The following AGL variants were observed in gnomAD, a reference collection of about 807,000 sequenced individuals.
AGL encodes the protein glycogen debranching enzyme.
In AGL, 128 loss-of-function variants were observed where a neutral mutation model predicts 199.3. The observed-to-expected ratio is 0.64, with a 90% confidence interval of 0.56 to 0.74. AGL has a LOEUF of 0.74. AGL is among the 30% of genes least tolerant of loss of function. The pLI is 0.00. For missense variants in AGL, 1,809 were observed against 1,820.8 expected, an observed-to-expected ratio of 0.99 and a Z score of 0.12; for synonymous variants, 584 against 594.7, an observed-to-expected ratio of 0.98 and a Z score of 0.26.
intron 12 of AGL, 121 bp from the exon 13 acceptor site, chr1:99,879,802 T>TCA: frequency 1.3e-6 from 1 of 775,634 alleles, no homozygotes; most frequent in South Asian, 1.4e-5. Context: ...GTATGTTTGA[T>TCA]ATCTTGCTGC....
intron 7 of AGL, 86 bp from the exon 8 acceptor site, chr1:99,874,601 T>C: frequency 7.6e-7 from 1 of 1,313,662 alleles, no homozygotes; most frequent in South Asian, 1.3e-5. Context: ...AGTGAAAAAA[T>C]TATAGGCCAA....
intron 2 of AGL, among the ~76,000 whole-genome samples, chr1:99,854,083 A>G (rs1477870756): frequency 6.6e-6 from 1 of 151,972 alleles, no homozygotes; most frequent in Non-Finnish European, 1.5e-5. Flanking sequence ...AATCCCAGCT[A>G]CCTGGGAGGC....
chr1:99,870,057 C>A (rs4907900), intron 5 of AGL, among the ~76,000 whole-genome samples: 1 of 152,154 alleles, frequency 6.6e-6, no homozygotes, highest in African/African-American at 2.4e-5. Flanking sequence ...TATTTTAGCA[C>A]TTTCTCAACC....
chr1:99,857,059 G>A (rs552121926), intron 2 of AGL, among the ~76,000 whole-genome samples: 13 of 151,554 alleles, frequency 8.6e-5, no homozygotes, highest in South Asian at 6.3e-4. Flanking sequence ...GCGGCTGGCC[G>A]GGCAGGGGGC....
At chr1:99,910,356 G>A (rs1654650242) in intron 27 of AGL, among the ~76,000 whole-genome samples, 1 of 152,088 alleles carries the variant, frequency 6.6e-6, no homozygotes, top group South Asian at 2.1e-4. Flanking sequence ...ATGGTATAGA[G>A]GGTTTCCCAT....
At chr1:99,875,310 T>A (rs1408431884) in intron 9 of AGL, 48 bp from the exon 10 acceptor site, 1 of 1,612,480 alleles carries the variant, frequency 6.2e-7, no homozygotes, top group East Asian at 2.2e-5. Context: ...ACTATTTTTT[T>A]GTTGTCTTGA....
chr1:99,892,733 C>T (rs1039911602), intron 24 of AGL, 126 bp downstream of exon 24: 77 of 900,316 alleles, frequency 8.6e-5, no homozygotes, highest in Non-Finnish European at 1.2e-4. Context: ...CCACTTAGTA[C>T]ATTTCATAGA....
At chr1:99,896,833 C>CA (rs1214825816) in intron 25 of AGL, among the ~76,000 whole-genome samples, 1 of 151,966 alleles carries the variant, frequency 6.6e-6, no homozygotes, top group Non-Finnish European at 1.5e-5. Flanking sequence ...GTTTTTGAGA[C>CA]AGAGTCTCGC....
At chr1:99,898,103 G>T (rs1653478962) in intron 25 of AGL, among the ~76,000 whole-genome samples, 1 of 149,832 alleles carries the variant, frequency 6.7e-6, no homozygotes, top group East Asian at 2.0e-4. Context: ...CTGGAGTGCA[G>T]TGGCGCAATC....
At position 99,898,192 on chromosome 1, in the gene AGL, G is replaced by A. The variant is rs906803094; in HGVS notation, c.3362+1804G>A. On this transcript the variant is annotated intron_variant, in intron 25 of 33. Coordinates refer to ENST00000361915, the MANE Select transcript of AGL (RefSeq NM_000642.3). ...CTCCTGAGTAGCTGGGACTACAGGC[G>A]CCCGCCACCACACCCGGCTAATTTT... is the stretch of plus-strand genomic sequence containing the variant. Among the ~76,000 whole-genome samples, 70 of 151,830 alleles carry A rather than the reference G, an allele frequency of 4.6e-4. 2 individuals are homozygous for A. Among genetic ancestry groups the A allele is most frequent in the East Asian group, 1.9e-4 (1 of 5,160 alleles).
chr1:99,860,927 A>G (rs1019387274), intron 2 of AGL, among the ~76,000 whole-genome samples: 2 of 152,184 alleles, frequency 1.3e-5, no homozygotes, highest in African/African-American at 2.4e-5. Flanking sequence ...ACTTGAGCAG[A>G]TATCAGTCGG....
chr1:99,900,679 A>G lies in AGL; in HGVS notation c.3406A>G (p.Ile1136Val). ...AFAGTLRHGL[I>V]PNLLGEGIYA... is the part of the protein sequence containing the mutation. ...TGCGGGTACCCTGAGGCATGGTCTC[A>G]TTCCTAATCTACTGGGTGAAGGAAT... The change falls in exon 26 of 34, where the codon ATT becomes GTT. Residue 1136 changes from isoleucine to valine, a missense_variant. Physicochemically the swap from Ile to Val is conservative, Grantham distance 29. Transcript: ENST00000361915. 1 of 1,614,184 alleles carries G rather than the reference A, an allele frequency of 6.2e-7. No homozygotes were observed. Among genetic ancestry groups the G allele is most frequent in the Non-Finnish European group, 8.5e-7 (1 of 1,180,024 alleles).
At position 99,900,816 on chromosome 1, in the gene AGL, A is replaced by G. The variant is rs199655785; in HGVS notation, c.3543A>G (p.Arg1181=). 5 of 1,613,950 alleles carry G rather than the reference A, an allele frequency of 3.1e-6. No individual in the cohort carries two copies. The East Asian group carries it at 1.1e-4, about 36-fold the overall frequency. The change falls in exon 26 of 34, where the codon AGA becomes AGG. Residue 1181 remains arginine, a synonymous_variant. Transcript: ENST00000361915. The part of the protein sequence containing the change: ...GLDILKCPVS[R]MYPTDDSAPL... ...ACATTCTCAAGTGCCCAGTTTCCAG[A>G]ATGTATCCTACAGATGATTCTGCTC... is the stretch of plus-strand genomic sequence containing the variant.
rs543993876 is a variant in AGL at position 99,900,929 on chromosome 1, A to G, written c.3588+68A>G. On this transcript the variant is annotated intron_variant, in intron 26 of 33. Transcript: ENST00000361915. ...TTCTGAAAAATGACTTTTAGTTTCT[A>G]ATGTAAAAATAAGGGTAATTAAGAA... 3.0e-6 allele frequency: 4 copies of G among 1,348,548 alleles called. No individual in the cohort carries two copies. In the East Asian group the frequency reaches 9.4e-5, roughly 32 times the overall value. The allele number at this position is 1,348,548 out of a possible 1,614,324, so 83.5% of individuals were successfully genotyped here.
rs369008881 is a variant in AGL, at chr1:99,914,805, A to G, written c.4162-584A>G. On this transcript the variant is annotated intron_variant, in intron 30 of 33. Coordinates refer to ENST00000361915, the MANE Select transcript of AGL (RefSeq NM_000642.3). ...ATTTAAGTGTGTGCTGTCTGGGTTC[A>G]GTGGCTCACACCTGTAATTCCAACA... Among the ~76,000 whole-genome samples, 17 of 152,320 alleles carry G rather than the reference A, an allele frequency of 1.1e-4. No homozygotes were observed. In the East Asian group the frequency reaches 2.1e-3, roughly 19 times the overall value.
chr1:99,891,810 G>A lies in AGL; in HGVS notation c.3083+71G>A, dbSNP rs1405114606. 3.8e-6 allele frequency: 6 copies of A among 1,584,268 alleles called. No homozygotes were observed. The Admixed American group carries it at 1.0e-4, about 27-fold the overall frequency. ...CTATATACAGAGTCACTTCATACAT[G>A]TTCTTAAAAAACCAAACCATAAAGA... On this transcript the variant is annotated intron_variant, in intron 23 of 33. Transcript: ENST00000361915.
intron 5 of AGL, among the ~76,000 whole-genome samples, chr1:99,869,570 T>C (rs1650815201): frequency 6.6e-6 from 1 of 152,204 alleles, no homozygotes; most frequent in Non-Finnish European, 1.5e-5. Context: ...CTTCAGTTTC[T>C]CTTTTGTTAA....
chr1:99,879,771 C>T (rs1015540632), intron 12 of AGL, 152 bp from the exon 13 acceptor site: 2 of 660,504 alleles, frequency 3.0e-6, no homozygotes, highest in South Asian at 1.7e-5. Flanking sequence ...TTGATAAATT[C>T]TCTTGTTTCT....
At position 99,892,543 on chromosome 1, in the gene AGL, T is replaced by A. The variant is rs569268763; in HGVS notation, c.3195T>A (p.Asp1065Glu). The change falls in exon 24 of 34, where the codon GAT becomes GAA. Residue 1065 changes from aspartate to glutamate, a missense_variant. Asp to Glu is a conservative substitution (Grantham distance 45). Transcript: ENST00000361915. The part of the protein sequence containing the change: ...SLPILSPALM[D>E]VPYRLNEITK... ...CAATTCTTTCACCTGCCCTAATGGA[T>A]GTACCTTATAGGTTAAATGAGATCA... 9 of 1,613,678 alleles carry A rather than the reference T, an allele frequency of 5.6e-6. No homozygotes were observed. The African/African-American group carries it at 8.0e-5, about 14-fold the overall frequency.
Sources: gnomAD v4.1 joint callset for allele counts (sites outside exome capture counted in the v4.1 genomes callset) on GRCh38, gnomAD v4.1.1 for gene constraint, MANE v1.5 for transcripts, NCBI Gene and HGNC (gene_info 2026-07-23, HGNC 2026-07-21) for gene names.